The following FGF7 variants were observed in gnomAD, a reference collection of about 807,000 sequenced individuals.
FGF7 encodes fibroblast growth factor 7.
A neutral mutation model predicts 20.5 loss-of-function variants in FGF7; 6 were observed. The ratio of observed to expected loss-of-function variants is 0.29; its 90% CI spans 0.16 to 0.58. The LOEUF (loss-of-function observed/expected upper bound fraction) is 0.58, where lower values mean the gene tolerates loss of function less well. FGF7 is among the 20% of genes least tolerant of loss of function. The probability of loss-of-function intolerance (pLI) is 0.90; values close to 1 mark genes in which losing one functional copy is unlikely to be tolerated. For synonymous variants in FGF7, 64 were observed against 74.7 expected, an observed-to-expected ratio of 0.86 and a Z score of 0.74; for missense variants, 144 against 228.8, an observed-to-expected ratio of 0.63 and a Z score of 2.39.
intron 2 of FGF7, among the ~76,000 whole-genome samples, chr15:49,480,798 T>A (rs566945198): frequency 6.6e-6 from 1 of 152,028 alleles, no homozygotes; most frequent in African/African-American, 2.4e-5. Context: ...CTTTGTAAAG[T>A]GCAGTAAAGA....
chr15:49,423,693 G>C (rs947300811), intron 1 of FGF7, among the ~76,000 whole-genome samples: 2 of 152,124 alleles, frequency 1.3e-5, no homozygotes, highest in African/African-American at 4.8e-5. Flanking sequence ...ATATAATAAA[G>C]AAGTCTAGGG....
At chr15:49,465,439 T>C (rs746428233) in intron 2 of FGF7, among the ~76,000 whole-genome samples, 10 of 152,062 alleles carry the variant, frequency 6.6e-5, no homozygotes, top group Non-Finnish European at 1.5e-4. Context: ...CCCGGCCTAC[T>C]TCTTAAAGTG....
At chr15:49,473,336 T>G (rs1226388388) in intron 2 of FGF7, among the ~76,000 whole-genome samples, 2 of 152,152 alleles carry the variant, frequency 1.3e-5, no homozygotes, top group Non-Finnish European at 2.9e-5. Flanking sequence ...AACCATTGGT[T>G]AACAAGAGAA....
chr15:49,435,242 C>G (rs746331459), intron 2 of FGF7, among the ~76,000 whole-genome samples: 1 of 151,428 alleles, frequency 6.6e-6, no homozygotes, highest in Non-Finnish European at 1.5e-5. Context: ...ACTGTAAAAT[C>G]GAAGTAATCT....
Position 49,424,465 on chromosome 15 carries a change from T to C in FGF7, c.168T>C (p.Tyr56=), listed in dbSNP as rs1455186314. ...GCCCTGAGCGACACACAAGAAGTTATGATTACATGGAAGGAGGGGATATAA... is the reference window on the plus strand; with the variant it reads ...GCCCTGAGCGACACACAAGAAGTTACGATTACATGGAAGGAGGGGATATAA... ...CSSPERHTRS[Y]DYMEGGDIRV... Residue 56 remains tyrosine (Y), a synonymous_variant, in exon 2 of 4, where the codon TAT becomes TAC. Coordinates refer to ENST00000267843, the MANE Select transcript of FGF7 (RefSeq NM_002009.4). The C allele has an allele frequency of 3.1e-6, 5 of 1,613,418 alleles. No individual in the cohort carries two copies. Among genetic ancestry groups the C allele is most frequent in the Admixed American group, 1.7e-5 (1 of 59,952 alleles).
intron 2 of FGF7, among the ~76,000 whole-genome samples, chr15:49,482,439 T>C (rs2056036411): frequency 6.6e-6 from 1 of 152,134 alleles, no homozygotes; most frequent in African/African-American, 2.4e-5. Flanking sequence ...AATGGTCTTT[T>C]AATGTATCAA....
At position 49,466,539 on chromosome 15, in the gene FGF7, T is replaced by C. The variant is rs542617935; in HGVS notation, c.287-16612T>C. Among the ~76,000 whole-genome samples, 19 of 152,282 alleles carry C rather than the reference T, an allele frequency of 1.2e-4. 1 individual carries two copies. The South Asian group carries it at 3.7e-3, about 30-fold the overall frequency. On this transcript the variant is annotated intron_variant, in intron 2 of 3. Coordinates refer to ENST00000267843, the MANE Select transcript of FGF7 (RefSeq NM_002009.4). The stretch of plus-strand genomic sequence containing the variant: ...GTTTGCTTTTGTTTTTAATAGAGTA[T>C]ACCACTGAAACTTTTGAAGCAGAAG...
intron 2 of FGF7, among the ~76,000 whole-genome samples, chr15:49,444,802 T>C (rs561096684): frequency 6.6e-6 from 1 of 151,832 alleles, no homozygotes; most frequent in Admixed American, 6.6e-5. Context: ...ATTTAAGCCA[T>C]CTTGAATCAA....
intron 2 of FGF7, among the ~76,000 whole-genome samples, chr15:49,452,786 T>C (rs771256909): frequency 2.6e-5 from 4 of 152,150 alleles, no homozygotes; most frequent in Non-Finnish European, 2.9e-5. Flanking sequence ...ATGAATACTG[T>C]ATATGTGAAT....
chr15:49,476,659 G>A (rs1051846600), intron 2 of FGF7, among the ~76,000 whole-genome samples: 17 of 151,938 alleles, frequency 1.1e-4, no homozygotes, highest in East Asian at 5.8e-4. Context: ...GTAAAATGTC[G>A]GTACAAATAG....
At chr15:49,464,520 CAG>C (rs1250694863) in intron 2 of FGF7, among the ~76,000 whole-genome samples, 1 of 152,094 alleles carries the variant, frequency 6.6e-6, no homozygotes, top group Non-Finnish European at 1.5e-5. Context: ...TGCTGGAAGA[CAG>C]AACATTTATA....
At chr15:49,479,597 CTGTTTTTT>C in intron 2 of FGF7, among the ~76,000 whole-genome samples, 1 of 102,084 alleles carries the variant, frequency 9.8e-6, no homozygotes, top group East Asian at 3.4e-4. Flanking sequence ...GTTAATACCT[CTGTTTTTT>C]TTTTTTTTTT....
At chr15:49,447,027 A>C (rs1597249994) in intron 2 of FGF7, among the ~76,000 whole-genome samples, 2 of 151,638 alleles carry the variant, frequency 1.3e-5, no homozygotes, top group East Asian at 1.9e-4. Context: ...GGGTGCGGGA[A>C]CTCATCCTGA....
At chr15:49,448,986 T>C (rs1039335687) in intron 2 of FGF7, among the ~76,000 whole-genome samples, 1 of 151,994 alleles carries the variant, frequency 6.6e-6, no homozygotes, top group African/African-American at 2.4e-5. Flanking sequence ...AATATGGATA[T>C]GCCACTAAAA....
intron 2 of FGF7, among the ~76,000 whole-genome samples, chr15:49,471,641 A>G (rs1014599060): frequency 1.3e-5 from 2 of 152,072 alleles, no homozygotes; most frequent in African/African-American, 4.8e-5. Context: ...GAAAGTTATG[A>G]TTTTCTAATC....
chr15:49,428,708 A>G (rs2050336849), intron 2 of FGF7, among the ~76,000 whole-genome samples: 1 of 152,014 alleles, frequency 6.6e-6, no homozygotes, highest in African/African-American at 2.4e-5. Context: ...TCCAATTACT[A>G]AAAAGTTGTG....
At chr15:49,429,417 A>G (rs941051822) in intron 2 of FGF7, among the ~76,000 whole-genome samples, 3 of 151,986 alleles carry the variant, frequency 2.0e-5, no homozygotes, top group Non-Finnish European at 4.4e-5. Context: ...TGAAGTGCTA[A>G]TAAGTTCATT....
chr15:49,488,250 A>G lies in FGF7; in HGVS notation c.*3746A>G, dbSNP rs2056571397. 6.6e-6 allele frequency: 1 copy of G among 151,954 alleles called. No individual in the cohort carries two copies. The highest frequency in any genetic ancestry group is 1.5e-5 in the Non-Finnish European group (1 of 67,920). 9.4% of individuals were successfully genotyped at this position (151,954 alleles called of 1,614,324 possible). A position where few individuals can be genotyped will look rare whatever the true frequency, so the allele number is the denominator to read the frequency against. On this transcript the variant is annotated 3_prime_UTR_variant, in exon 4 of 4. Transcript: ENST00000267843. ...ATAGCTCATTAAAACTTCATGTGTA[A>G]CTATTTCAGCATTGTTGTCAGCTAC... is the stretch of plus-strand genomic sequence containing the variant.
intron 2 of FGF7, among the ~76,000 whole-genome samples, chr15:49,458,094 G>A (rs1180058370): frequency 1.3e-5 from 2 of 151,876 alleles, no homozygotes; most frequent in Admixed American, 1.3e-4. Context: ...CTTAGTGAAA[G>A]GTGCTGAGGT....
Sources: allele counts gnomAD v4.1 joint callset (sites outside exome capture counted in the v4.1 genomes callset), GRCh38; gene constraint gnomAD v4.1.1; transcripts MANE v1.5; gene names NCBI Gene and HGNC (gene_info 2026-07-23, HGNC 2026-07-21).